TSSK4: variants seen among roughly 807,000 people sequenced by gnomAD.
TSSK4 encodes the protein testis-specific serine/threonine-protein kinase 4.
In TSSK4, 22 loss-of-function variants were observed where a neutral mutation model predicts 28.5. That is an observed-to-expected ratio of 0.77 (90% confidence interval 0.55 to 1.10). The LOEUF is 1.10. TSSK4 is among the 50% of genes least tolerant of loss of function. The probability of loss-of-function intolerance (pLI) is 0.00; values close to 1 mark genes in which losing one functional copy is unlikely to be tolerated. For synonymous variants in TSSK4, 151 were observed against 158.3 expected (o/e 0.95, Z 0.35); for missense variants, 329 against 415.4 (o/e 0.79, Z 1.81).
At chr14:24,207,943 C>G (rs1208964323) in intron 3 of TSSK4, 21 bp from the exon 4 acceptor site, 1 of 1,613,986 alleles carries the variant, frequency 6.2e-7, no homozygotes, top group South Asian at 1.1e-5. Context: ...TCAGGCAAGA[C>G]CTCTCTCTCC....
chr14:24,207,835 A>G (rs1180355481), intron 3 of TSSK4, 129 bp from the exon 4 acceptor site: 1 of 1,551,304 alleles, frequency 6.4e-7, no homozygotes, highest in Non-Finnish European at 8.7e-7. Context: ...AGATAAAATC[A>G]GAGCCACACC....
Position 24,207,502 on chromosome 14 carries a change from A to T in TSSK4, c.827A>T (p.Glu276Val). The change falls in exon 3 of 4, where the codon GAG (glutamate) becomes GTG (valine). Residue 276 changes from glutamate (E) to valine (V), a missense_variant. Transcript: ENST00000339917. Reference sequence around the variant, plus strand: ...CCAGCTAACCATACCATCTCCCAGGAGTGCAAGGTACTGGCTACCTAAGGA... The same window carrying T: ...CCAGCTAACCATACCATCTCCCAGGTGTGCAAGGTACTGGCTACCTAAGGA... ...TFPANHTISQ[E>V]CKNLILQMLR... is the part of the protein sequence containing the mutation. 1 of 1,606,888 alleles carries T rather than the reference A, an allele frequency of 6.2e-7. No homozygotes were observed. Among genetic ancestry groups the T allele is most frequent in the South Asian group, 1.1e-5 (1 of 89,848 alleles).
chr14:24,207,480 G>A lies in TSSK4; in HGVS notation c.805G>A (p.Ala269Thr). 6.2e-7 allele frequency: 1 copy of A among 1,612,832 alleles called. No individual in the cohort carries two copies. Among genetic ancestry groups the A allele is most frequent in the Middle Eastern group, 1.7e-4 (1 of 6,058 alleles). The change falls in exon 3 of 4, where the codon GCT (alanine) becomes ACT (threonine). Residue 269 changes from alanine (A) to threonine (T), a missense_variant. By Grantham distance (58) the Ala-to-Thr change is moderately conservative. This residue lies in a region of TSSK4 where 139 missense variants were observed against 178.1 expected (regional missense o/e 0.78). Transcript: ENST00000339917. ...GACTCAGAAGGAGGTCACTTTCCCAGCTAACCATACCATCTCCCAGGAGTG... is the reference window on the plus strand; with the variant it reads ...GACTCAGAAGGAGGTCACTTTCCCAACTAACCATACCATCTCCCAGGAGTG... ...RETQKEVTFP[A>T]NHTISQECKN...
chr14:24,206,993 C>G, intron 2 of TSSK4, 123 bp from the exon 3 acceptor site: 5 of 1,368,172 alleles, frequency 3.7e-6, no homozygotes, highest in Non-Finnish European at 5.1e-6. Context: ...AACTCCATGG[C>G]TTTCCTTCCT....
At position 24,207,558 on chromosome 14, in the gene TSSK4, A is replaced by T. The variant is rs1308009372; in HGVS notation, c.834+49A>T. 5 of 1,542,456 alleles carry T rather than the reference A, an allele frequency of 3.2e-6. No homozygotes were observed. In the South Asian group the frequency reaches 3.9e-5, roughly 12 times the overall value. ...GAGCCTTCAGGGATGACCCACAGGG[A>T]GGGGTGAATATCCAACCTAGGTCAC... On this transcript the variant is annotated intron_variant, in intron 3 of 3. Coordinates refer to ENST00000339917, the MANE Select transcript of TSSK4 (RefSeq NM_001184739.2).
chr14:24,206,219 T>G, intron 1 of TSSK4, 71 bp downstream of exon 1: 1 of 1,447,644 alleles, frequency 6.9e-7, no homozygotes, highest in Non-Finnish European at 9.6e-7. Flanking sequence ...AGAAGGGGTA[T>G]GGCCAGGAGG....
At position 24,208,052 on chromosome 14, in the gene TSSK4, C is replaced by A. The variant is rs767482479; in HGVS notation, c.923C>A (p.Pro308His). The A allele has an allele frequency of 6.2e-7, 1 of 1,614,222 alleles. No individual in the cohort carries two copies. Among genetic ancestry groups the A allele is most frequent in the South Asian group, 1.1e-5 (1 of 91,078 alleles). Residue 308 changes from proline to histidine, a missense_variant, in exon 4 of 4, where the codon CCT becomes CAT. This residue lies in a region of TSSK4 where 139 missense variants were observed against 178.1 expected (regional missense o/e 0.78). Coordinates refer to ENST00000339917, the MANE Select transcript of TSSK4 (RefSeq NM_001184739.2). ...GATTCCTGGGTGCTCAAGTTCCAGCCTGAGCAACCCACCCATGAGATCAGG... is the reference window on the plus strand; with the variant it reads ...GATTCCTGGGTGCTCAAGTTCCAGCATGAGCAACCCACCCATGAGATCAGG... ...IKDSWVLKFQ[P>H]EQPTHEIRLL...
At chr14:24,207,581 C>G in intron 3 of TSSK4, 72 bp downstream of exon 3, 1 of 1,509,082 alleles carries the variant, frequency 6.6e-7, no homozygotes, top group African/African-American at 1.4e-5. Flanking sequence ...CAACCTAGGT[C>G]ACCCAACCTA....
In TSSK4 at chr14:24,205,837, C is replaced by G; in HGVS notation, c.-87C>G. On this transcript the variant is annotated 5_prime_UTR_variant, in exon 1 of 4. Transcript: ENST00000339917. ...TTTGGGGACCTACTTCACTTTGATA[C>G]CCTAGCCTTCAGCAGCTCAAGGTGT... 7 of 1,026,276 alleles carry G rather than the reference C, an allele frequency of 6.8e-6. No individual in the cohort carries two copies. The highest frequency in any genetic ancestry group is 1.1e-5 in the Non-Finnish European group (7 of 659,706). The allele number at this position is 1,026,276 out of a possible 1,614,324, so 63.6% of individuals were successfully genotyped here.
rs371150247 is a variant in TSSK4, at chr14:24,206,005, G to C, written c.82G>C (p.Gly28Arg). 4.3e-6 allele frequency: 7 copies of C among 1,614,018 alleles called. No individual in the cohort carries two copies. In the African/African-American group the frequency reaches 6.7e-5, roughly 15 times the overall value. The change falls in exon 1 of 4, where the codon GGC becomes CGC. Residue 28 changes from glycine (G) to arginine (R), a missense_variant. By Grantham distance (125) the Gly-to-Arg change is moderately radical. This residue lies in a region of TSSK4 where 175 missense variants were observed against 196.0 expected (regional missense o/e 0.89). Transcript: ENST00000339917. ...SLMDEYGYEVGKAIGHGSYGS... is the reference protein window; with the variant it reads ...SLMDEYGYEVRKAIGHGSYGS... ...CATGGATGAATATGGTTATGAGGTG[G>C]GCAAGGCCATTGGCCATGGCTCCTA...
At position 24,206,072 on chromosome 14, in the gene TSSK4, T is replaced by C; in HGVS notation, c.149T>C (p.Met50Thr). 1 of 1,614,232 alleles carries C rather than the reference T, an allele frequency of 6.2e-7. No homozygotes were observed. The highest frequency in any genetic ancestry group is 8.5e-7 in the Non-Finnish European group (1 of 1,180,032). The change falls in exon 1 of 4, where the codon ATG (methionine) becomes ACG (threonine). Residue 50 changes from methionine (M) to threonine (T), a missense_variant. Transcript: ENST00000339917. ...YEAFYTKQKV[M>T]VAVKIISKKK... ...GCTTTCTACACAAAGCAGAAGGTTA[T>C]GGTGGCAGTCAAGATCATCTCAAAG...
Position 24,208,063 on chromosome 14 carries a change from A to G in TSSK4, c.934A>G (p.Thr312Ala), listed in dbSNP as rs763782702. The change falls in exon 4 of 4, where the codon ACC (threonine) becomes GCC (alanine). Residue 312 changes from threonine (T) to alanine (A), a missense_variant. Physicochemically the swap from Thr to Ala is moderately conservative, Grantham distance 58. Around this residue, in one of 3 missense-constraint regions of TSSK4, gnomAD observed 139 missense variants for 178.1 expected, o/e 0.78. Coordinates refer to ENST00000339917, the MANE Select transcript of TSSK4 (RefSeq NM_001184739.2). ...GCTCAAGTTCCAGCCTGAGCAACCC[A>G]CCCATGAGATCAGGCTGCTTGAGGC... Reference protein sequence around the residue: ...WVLKFQPEQPTHEIRLLEAMC... With the variant: ...WVLKFQPEQPAHEIRLLEAMC... 3 of 1,614,174 alleles carry G rather than the reference A, an allele frequency of 1.9e-6. No individual in the cohort carries two copies. The highest frequency in any genetic ancestry group is 1.6e-4 in the Middle Eastern group (1 of 6,062).
At position 24,205,958 on chromosome 14, in the gene TSSK4, C is replaced by G; in HGVS notation, c.35C>G (p.Thr12Ser). The change falls in exon 1 of 4, where the codon ACC becomes AGC. Residue 12 changes from threonine (T) to serine (S), a missense_variant. Around this residue, in one of 3 missense-constraint regions of TSSK4, gnomAD observed 175 missense variants for 196.0 expected, o/e 0.89. Coordinates refer to ENST00000339917, the MANE Select transcript of TSSK4 (RefSeq NM_001184739.2). The part of the protein sequence containing the change: ...GKGDVLEAAP[T>S]TTAYHSLMDE... ...GGAGATGTCTTAGAGGCAGCACCAA[C>G]CACCACAGCCTACCATTCCCTCATG... is the stretch of plus-strand genomic sequence containing the variant. 6.2e-7 allele frequency: 1 copy of G among 1,614,180 alleles called. No individual in the cohort carries two copies. Among genetic ancestry groups the G allele is most frequent in the Non-Finnish European group, 8.5e-7 (1 of 1,180,038 alleles).
At chr14:24,206,932 G>A in intron 2 of TSSK4, 184 bp from the exon 3 acceptor site, 2 of 995,222 alleles carry the variant, frequency 2.0e-6, no homozygotes, top group Non-Finnish European at 3.1e-6. Flanking sequence ...AGCTCCCGGT[G>A]GTCCTCAGAT....
At position 24,206,739 on chromosome 14, in the gene TSSK4, C is replaced by A. The variant is rs772975799; in HGVS notation, c.440+16C>A. On this transcript the variant is annotated intron_variant, in intron 2 of 3. Coordinates refer to ENST00000339917, the MANE Select transcript of TSSK4 (RefSeq NM_001184739.2). Reference sequence around the variant, plus strand: ...TCGTGCACCGGTGAGGGCGCTGCCACCCAGACTGGGGCCTTTGCCCTCAAG... The same window carrying A: ...TCGTGCACCGGTGAGGGCGCTGCCAACCAGACTGGGGCCTTTGCCCTCAAG... The A allele has an allele frequency of 9.3e-6, 15 of 1,612,098 alleles. No homozygotes were observed. The East Asian group carries it at 3.3e-4, about 36-fold the overall frequency.
Position 24,205,948 on chromosome 14 carries a change from G to A in TSSK4, c.25G>A (p.Ala9Thr), listed in dbSNP as rs747748108. 6.8e-6 allele frequency: 11 copies of A among 1,614,020 alleles called. No individual in the cohort carries two copies. The highest frequency in any genetic ancestry group is 8.5e-6 in the Non-Finnish European group (10 of 1,180,050). The change falls in exon 1 of 4, where the codon GCA (alanine) becomes ACA (threonine). Residue 9 changes from alanine (A) to threonine (T), a missense_variant. Around this residue, in one of 3 missense-constraint regions of TSSK4, gnomAD observed 175 missense variants for 196.0 expected, o/e 0.89. Coordinates refer to ENST00000339917, the MANE Select transcript of TSSK4 (RefSeq NM_001184739.2). ...CATGGGGAAGGGAGATGTCTTAGAG[G>A]CAGCACCAACCACCACAGCCTACCA... is the stretch of plus-strand genomic sequence containing the variant. MGKGDVLEAAPTTTAYHSL... is the reference protein window; with the variant it reads MGKGDVLETAPTTTAYHSL...
At position 24,206,581 on chromosome 14, in the gene TSSK4, A is replaced by C; in HGVS notation, c.298A>C (p.Ile100Leu). ...CATTGAGAGCACATCTCGAGTATAC[A>C]TCATTCTGGAACTGGCTCAGGGTGG... is the stretch of plus-strand genomic sequence containing the variant. ...RAIESTSRVY[I>L]ILELAQGGDV... The change falls in exon 2 of 4, where the codon ATC becomes CTC. Residue 100 changes from isoleucine (I) to leucine (L), a missense_variant. Physicochemically the swap from Ile to Leu is conservative, Grantham distance 5 (BLOSUM62 2). Transcript: ENST00000339917. 1.2e-6 allele frequency: 2 copies of C among 1,614,194 alleles called. No homozygotes were observed. Among genetic ancestry groups the C allele is most frequent in the South Asian group, 2.2e-5 (2 of 91,084 alleles).
intron 2 of TSSK4, 87 bp downstream of exon 2, chr14:24,206,810 C>T (rs1186205619): frequency 1.7e-5 from 24 of 1,402,456 alleles, no homozygotes; most frequent in South Asian, 3.8e-5. Flanking sequence ...TTTCCTCTTT[C>T]GAACTCCCTC....
In TSSK4 at chr14:24,205,824, C is replaced by T; in HGVS notation, c.-100C>T. The T allele has an allele frequency of 2.3e-6, 2 of 870,882 alleles. No individual in the cohort carries two copies. Among genetic ancestry groups the T allele is most frequent in the Non-Finnish European group, 3.8e-6 (2 of 531,358 alleles). 53.9% of individuals were successfully genotyped at this position (870,882 alleles called of 1,614,324 possible). ...ATATAGGCAAGCATTTGGGGACCTA[C>T]TTCACTTTGATACCCTAGCCTTCAG... On this transcript the variant is annotated 5_prime_UTR_variant, in exon 1 of 4. Transcript: ENST00000339917.
Sources: allele counts gnomAD v4.1 joint callset, GRCh38; gene constraint gnomAD v4.1.1; regional missense constraint gnomAD v4.1.1; transcripts MANE v1.5; gene names NCBI Gene and HGNC (gene_info 2026-07-23, HGNC 2026-07-21).